The following DNAJC3 variants were observed in gnomAD, a reference collection of about 807,000 sequenced individuals.
The protein encoded by DNAJC3 is dnaJ homolog subfamily C member 3.
A neutral mutation model predicts 68.6 loss-of-function variants in DNAJC3; 38 were observed. That is an observed-to-expected ratio of 0.55 (90% CI 0.43 to 0.73). The LOEUF (loss-of-function observed/expected upper bound fraction) is 0.73. Ranked by LOEUF, DNAJC3 falls within the 30% of genes least tolerant of loss-of-function variation. The pLI is 0.00. For synonymous variants in DNAJC3, 203 were observed against 204.0 expected (o/e 1.00, Z 0.04); for missense variants, 526 against 591.9 (o/e 0.89, Z 1.16).
chr13:95,789,391 G>A lies in DNAJC3; in HGVS notation c.1358-1482G>A, dbSNP rs9590327. 1.4e-3 allele frequency among the ~76,000 whole-genome samples: 209 copies of A among 152,238 alleles called. 3 individuals are homozygous for A. The highest frequency in any genetic ancestry group is 4.6e-3 in the African/African-American group (193 of 41,548). ...TTCTCATCATTTAGCTCCCACTTGT[G>A]AGAATATGTGGTATTTGGTTTTCTG... On this transcript the variant is annotated intron_variant, in intron 11 of 11. Coordinates refer to ENST00000602402, the MANE Select transcript of DNAJC3 (RefSeq NM_006260.5).
At chr13:95,737,115 GATT>G (rs1881951397) in intron 4 of DNAJC3, among the ~76,000 whole-genome samples, 1 of 149,570 alleles carries the variant, frequency 6.7e-6, no homozygotes, top group Non-Finnish European at 1.5e-5. Flanking sequence ...TTATATGCTG[GATT>G]ACATTTATTG....
intron 2 of DNAJC3, among the ~76,000 whole-genome samples, chr13:95,716,334 G>T (rs913735805): frequency 3.3e-5 from 5 of 152,166 alleles, no homozygotes; most frequent in Non-Finnish European, 5.9e-5. Context: ...CAGAGGCCGT[G>T]GGGAGTGCTT....
At chr13:95,764,970 CTCTTT>C (rs1393057356) in intron 9 of DNAJC3, among the ~76,000 whole-genome samples, 1 of 151,812 alleles carries the variant, frequency 6.6e-6, no homozygotes, top group African/African-American at 2.4e-5. Flanking sequence ...GTTTGTGATA[CTCTTT>C]TTAAGGCAAA....
At chr13:95,731,753 C>CTGGG (rs1881720504) in intron 4 of DNAJC3, among the ~76,000 whole-genome samples, 1 of 152,000 alleles carries the variant, frequency 6.6e-6, no homozygotes, top group Non-Finnish European at 1.5e-5. Flanking sequence ...CTCGCTGCAG[C>CTGGG]CTCAACCTGC....
At chr13:95,762,393 T>C (rs1882852564) in intron 7 of DNAJC3, among the ~76,000 whole-genome samples, 2 of 152,064 alleles carry the variant, frequency 1.3e-5, no homozygotes, top group South Asian at 4.1e-4. Flanking sequence ...AATCTTCAGC[T>C]CCAAGTCTGG....
At chr13:95,757,878 C>T (rs996479298) in intron 5 of DNAJC3, 82 bp downstream of exon 5, 2 of 1,375,998 alleles carry the variant, frequency 1.5e-6, no homozygotes, top group African/African-American at 2.8e-5. Flanking sequence ...TCACATACCA[C>T]AAAGACCTAG....
Position 95,723,431 on chromosome 13 carries a change from C to T in DNAJC3, c.318+65C>T. On this transcript the variant is annotated intron_variant, in intron 3 of 11. Coordinates refer to ENST00000602402, the MANE Select transcript of DNAJC3 (RefSeq NM_006260.5). ...GAACTTGGGGAGAGATAATTTGTTT[C>T]ATAAGGTGAGGACTGGCATGCTAGA... The T allele has an allele frequency of 2.6e-6, 4 of 1,555,088 alleles. No homozygotes were observed. In the Admixed American group the frequency reaches 7.0e-5, roughly 27 times the overall value.
At chr13:95,777,799 T>C (rs1883330601) in intron 9 of DNAJC3, among the ~76,000 whole-genome samples, 1 of 152,128 alleles carries the variant, frequency 6.6e-6, no homozygotes, top group African/African-American at 2.4e-5. Flanking sequence ...AACAAAAAAC[T>C]TGAATGCACT....
At chr13:95,790,772 GCTC>G in intron 11 of DNAJC3, 98 bp from the exon 12 acceptor site, 1 of 1,331,320 alleles carries the variant, frequency 7.5e-7, no homozygotes, top group South Asian at 1.3e-5. Flanking sequence ...AAAGTAAGTA[GCTC>G]CTCAAGCCCA....
chr13:95,789,844 TTGCAATAA>T (rs1234022654), intron 11 of DNAJC3, among the ~76,000 whole-genome samples: 1 of 152,198 alleles, frequency 6.6e-6, no homozygotes, highest in East Asian at 1.9e-4. Context: ...CATTTTTTAT[TTGCAATAA>T]TGATCTAATT....
rs1203819730 is a variant in DNAJC3, at chr13:95,677,220, A to T, written c.-36A>T. The stretch of plus-strand genomic sequence containing the variant: ...GCGCCGGCGCGTGCTGGTGGGCCAC[A>T]CACCTTTCCTCCTCTTCACTCGCGA... On this transcript the variant is annotated 5_prime_UTR_variant, in exon 1 of 12. Coordinates refer to ENST00000602402, the MANE Select transcript of DNAJC3 (RefSeq NM_006260.5). 2.5e-6 allele frequency: 4 copies of T among 1,586,646 alleles called. No individual in the cohort carries two copies. In the South Asian group the frequency reaches 3.4e-5, roughly 13 times the overall value.
chr13:95,693,231 C>T (rs1323816188), intron 1 of DNAJC3: 1 of 152,082 alleles, frequency 6.6e-6, no homozygotes, highest in Non-Finnish European at 1.5e-5. Flanking sequence ...AAGACTTTAC[C>T]CCTTACTTCT....
In DNAJC3 at chr13:95,763,943, G is replaced by T; in HGVS notation, c.1065G>T (p.Met355Ile). ...DRAEAYLIEE[M>I]YDEAIQDYET... is the part of the protein sequence containing the mutation. Reference sequence around the variant, plus strand: ...CAGAGGCCTATTTGATAGAGGAAATGTATGATGAAGGTAAATCTTTAAGGA... The same window carrying T: ...CAGAGGCCTATTTGATAGAGGAAATTTATGATGAAGGTAAATCTTTAAGGA... Residue 355 changes from methionine (M) to isoleucine (I), a missense_variant, in exon 9 of 12, where the codon ATG becomes ATT. Transcript: ENST00000602402. The T allele has an allele frequency of 6.2e-7, 1 of 1,613,920 alleles. No homozygotes were observed. The highest frequency in any genetic ancestry group is 8.5e-7 in the Non-Finnish European group (1 of 1,179,880).
intron 1 of DNAJC3, among the ~76,000 whole-genome samples, chr13:95,692,054 G>A (rs969187733): frequency 6.8e-6 from 1 of 146,182 alleles, no homozygotes; most frequent in African/African-American, 2.8e-5. Flanking sequence ...GGAAAGAGAG[G>A]GAGAGGGAGA....
intron 4 of DNAJC3, among the ~76,000 whole-genome samples, chr13:95,755,918 C>A (rs960143589): frequency 3.3e-5 from 5 of 152,206 alleles, no homozygotes; most frequent in Admixed American, 6.6e-5. Flanking sequence ...TCTCCCTCTT[C>A]CCCACCTCTC....
At chr13:95,790,302 C>A (rs1410911424) in intron 11 of DNAJC3, among the ~76,000 whole-genome samples, 1 of 152,176 alleles carries the variant, frequency 6.6e-6, no homozygotes, top group African/African-American at 2.4e-5. Context: ...TCTCCCATGT[C>A]TCTGCATTGA....
intron 2 of DNAJC3, among the ~76,000 whole-genome samples, chr13:95,711,458 A>G (rs1458397567): frequency 6.6e-6 from 1 of 152,144 alleles, no homozygotes; most frequent in African/African-American, 2.4e-5. Context: ...AGATCGCACC[A>G]TTGCACTCTA....
chr13:95,785,530 C>CT (rs1309089251), intron 9 of DNAJC3, among the ~76,000 whole-genome samples: 1 of 137,416 alleles, frequency 7.3e-6, no homozygotes, highest in East Asian at 2.1e-4. Context: ...GCGATGTCGG[C>CT]CACTGCAAAC....
In DNAJC3 at chr13:95,690,365, A is replaced by C. The variant is rs1358213131; in HGVS notation, c.82+13028A>C. ...TTTTTCTTAGTACAGAACAAAATGA[A>C]AAGTCTCCCATGTCTACTTCTTTCT... On this transcript the variant is annotated intron_variant, in intron 1 of 11. Transcript: ENST00000602402. 5.9e-5 allele frequency among the ~76,000 whole-genome samples: 9 copies of C among 151,892 alleles called. No homozygotes were observed. In the East Asian group the frequency reaches 1.7e-3, roughly 29 times the overall value.
Sources: gnomAD v4.1 joint callset for allele counts (sites outside exome capture counted in the v4.1 genomes callset) on GRCh38, gnomAD v4.1.1 for gene constraint, MANE v1.5 for transcripts, NCBI Gene and HGNC (gene_info 2026-07-23, HGNC 2026-07-21) for gene names.